Variants in ABCE1 observed in about 807,000 individuals in gnomAD.
The protein encoded by ABCE1 is ATP-binding cassette sub-family E member 1.
Under a neutral mutation model 83.4 loss-of-function variants are expected in ABCE1, and 22 were observed. That is an observed-to-expected ratio of 0.26 (90% CI 0.19 to 0.38). The LOEUF is 0.38. ABCE1 is among the 10% of genes least tolerant of loss of function. The probability of loss-of-function intolerance (pLI) is 1.00; values close to 1 mark genes in which losing one functional copy is unlikely to be tolerated. For synonymous variants in ABCE1, 204 were observed against 233.7 expected (o/e 0.87, Z 1.16); for missense variants, 330 against 721.9 (o/e 0.46, Z 6.22).
chr4:145,109,279 A>G, intron 5 of ABCE1, 30 bp downstream of exon 5: 1 of 1,332,828 alleles, frequency 7.5e-7, no homozygotes, highest in Non-Finnish European at 1.0e-6. Flanking sequence ...AAAAATTAAT[A>G]TCATGAGTCA....
In ABCE1 at chr4:145,117,428, C is replaced by A. The variant is rs750191954; in HGVS notation, c.922+14C>A. The A allele has an allele frequency of 1.2e-6, 2 of 1,608,210 alleles. No homozygotes were observed. Among genetic ancestry groups the A allele is most frequent in the Admixed American group, 3.4e-5 (2 of 59,250 alleles). Reference sequence around the variant, plus strand: ...GTGTAAGAGAAGGTAACTTGAAAAACTTTTTTCACATATGCTGTATTCTCT... The same window carrying A: ...GTGTAAGAGAAGGTAACTTGAAAAAATTTTTTCACATATGCTGTATTCTCT... On this transcript the variant is annotated intron_variant, in intron 10 of 17. Transcript: ENST00000296577.
chr4:145,122,431 T>C (rs1202568105), intron 13 of ABCE1: 1 of 152,220 alleles, frequency 6.6e-6, no homozygotes, highest in Non-Finnish European at 1.5e-5. Context: ...GAATTTCTAC[T>C]CTTAAATGAT....
chr4:145,099,093 T>A (rs1749017990), intron 1 of ABCE1, among the ~76,000 whole-genome samples: 1 of 152,244 alleles, frequency 6.6e-6, no homozygotes. Context: ...CCGTTTTTCC[T>A]TTTATTGTAT....
intron 17 of ABCE1, among the ~76,000 whole-genome samples, chr4:145,125,463 G>A (rs778367706): frequency 1.3e-5 from 2 of 151,964 alleles, no homozygotes; most frequent in Admixed American, 1.3e-4. Context: ...GTGAGACTCT[G>A]TCTAAAAAAA....
At chr4:145,103,898 A>C (rs1195951182) in intron 1 of ABCE1, among the ~76,000 whole-genome samples, 1 of 151,578 alleles carries the variant, frequency 6.6e-6, no homozygotes, top group East Asian at 1.9e-4. Context: ...AATAGCTGGG[A>C]CCGCAGGCGC....
chr4:145,100,984 G>A (rs984361001), intron 1 of ABCE1, among the ~76,000 whole-genome samples: 8 of 151,708 alleles, frequency 5.3e-5, no homozygotes, highest in Non-Finnish European at 8.8e-5. Context: ...CTTGGGGAGG[G>A]GAAAAATGTG....
intron 11 of ABCE1, among the ~76,000 whole-genome samples, chr4:145,120,616 G>C (rs1476313039): frequency 6.6e-6 from 1 of 151,940 alleles, no homozygotes; most frequent in East Asian, 1.9e-4. Context: ...ATTGTCATAA[G>C]TGTAGATATA....
In ABCE1 at chr4:145,110,447, A is replaced by G. The variant is rs1477244643; in HGVS notation, c.613+3A>G. 4 of 1,611,166 alleles carry G rather than the reference A, an allele frequency of 2.5e-6. No homozygotes were observed. Among genetic ancestry groups the G allele is most frequent in the Non-Finnish European group, 2.5e-6 (3 of 1,179,398 alleles). On this transcript the variant is annotated splice_donor_region_variant and intron_variant, in intron 7 of 17. Transcript: ENST00000296577. Reference sequence around the variant, plus strand: ...GGCAATTGTATGTCAGCAGCTTGGTAAGTGTTTATTTTTTGTTTGTGTGAA... The same window carrying G: ...GGCAATTGTATGTCAGCAGCTTGGTGAGTGTTTATTTTTTGTTTGTGTGAA...
Position 145,123,505 on chromosome 4 carries a change from C to T in ABCE1, c.1545C>T (p.Ala515=). 3 of 1,603,776 alleles carry T rather than the reference C, an allele frequency of 1.9e-6. No homozygotes were observed. The highest frequency in any genetic ancestry group is 2.6e-6 in the Non-Finnish European group (3 of 1,171,288). Reference sequence around the variant, plus strand: ...TCATACTCCATGCAAAAAAGACAGCCTTTGTTGTGGAACATGACTTCATCA... The same window carrying T: ...TCATACTCCATGCAAAAAAGACAGCTTTTGTTGTGGAACATGACTTCATCA... ...KRFILHAKKT[A]FVVEHDFIMA... Residue 515 remains alanine (A), a synonymous_variant, in exon 16 of 18, where the codon GCC becomes GCT. Transcript: ENST00000296577.
Position 145,110,974 on chromosome 4 carries a change from C to T in ABCE1, c.620C>T (p.Thr207Ile), listed in dbSNP as rs900682938. The T allele has an allele frequency of 3.7e-6, 6 of 1,607,032 alleles. No individual in the cohort carries two copies. Among genetic ancestry groups the T allele is most frequent in the Non-Finnish European group, 5.1e-6 (6 of 1,177,274 alleles). ...QAIVCQQLDL[T>I]HLKERNVEDL... Reference sequence around the variant, plus strand: ...GCCTCTATGTTCTTTGTAGATTTAACCCACCTAAAAGAACGAAATGTTGAA... The same window carrying T: ...GCCTCTATGTTCTTTGTAGATTTAATCCACCTAAAAGAACGAAATGTTGAA... The change falls in exon 8 of 18, where the codon ACC becomes ATC. Residue 207 changes from threonine (T) to isoleucine (I), a missense_variant. Transcript: ENST00000296577.
chr4:145,098,544 C>T lies in ABCE1; in HGVS notation c.-28+125C>T, dbSNP rs578087062. 4.5e-3 allele frequency: 686 copies of T among 152,470 alleles called. 1 individual carries two copies. The highest frequency in any genetic ancestry group is 0.015 in the African/African-American group (639 of 41,564). The allele number at this position is 152,470 out of a possible 1,614,324, so 9.4% of individuals were successfully genotyped here. A position where few individuals can be genotyped will look rare whatever the true frequency, so the allele number is the denominator to read the frequency against. On this transcript the variant is annotated intron_variant, in intron 1 of 17. Transcript: ENST00000296577. ...TGGCGGAGACAGCAGCAGCGCGTGG[C>T]AGCGGTTCCTGCGGGACAGCTGGAA...
At chr4:145,100,654 C>G (rs1749124142) in intron 1 of ABCE1, among the ~76,000 whole-genome samples, 1 of 152,212 alleles carries the variant, frequency 6.6e-6, no homozygotes, top group African/African-American at 2.4e-5. Context: ...CTAATCTTTA[C>G]AAGACCTGGA....
rs1327656318 is a variant in ABCE1, at chr4:145,104,905, G to T, written c.103+390G>T. Among the ~76,000 whole-genome samples the T allele has an allele frequency of 4.0e-5, 6 of 151,792 alleles. No homozygotes were observed. In the East Asian group the frequency reaches 9.6e-4, roughly 24 times the overall value. On this transcript the variant is annotated intron_variant, in intron 2 of 17. Coordinates refer to ENST00000296577, the MANE Select transcript of ABCE1 (RefSeq NM_002940.3). ...GACAGTATTTTCATATTTAAAAAATGAACAAAGAGCTTAATAAGAATGACT... is the reference window on the plus strand; with the variant it reads ...GACAGTATTTTCATATTTAAAAAATTAACAAAGAGCTTAATAAGAATGACT...
At chr4:145,126,440 C>G (rs1181764838) in intron 17 of ABCE1, among the ~76,000 whole-genome samples, 1 of 151,978 alleles carries the variant, frequency 6.6e-6, no homozygotes, top group South Asian at 2.1e-4. Flanking sequence ...ATTACAGGTG[C>G]CCACCACCAC....
At chr4:145,098,966 T>G (rs1245198109) in intron 1 of ABCE1, among the ~76,000 whole-genome samples, 2 of 152,234 alleles carry the variant, frequency 1.3e-5, no homozygotes, top group African/African-American at 2.4e-5. Flanking sequence ...GTCACTCTGC[T>G]TTTCTCAGAA....
At chr4:145,099,987 A>G (rs1163300781) in intron 1 of ABCE1, among the ~76,000 whole-genome samples, 2 of 152,148 alleles carry the variant, frequency 1.3e-5, no homozygotes, top group African/African-American at 2.4e-5. Context: ...TCCAAGCTTT[A>G]CTGTGCCTAG....
At chr4:145,105,000 A>G (rs577143717) in intron 2 of ABCE1, among the ~76,000 whole-genome samples, 2 of 152,190 alleles carry the variant, frequency 1.3e-5, no homozygotes, top group African/African-American at 4.8e-5. Flanking sequence ...AATTATTGGT[A>G]GTCGTTAAGG....
chr4:145,102,805 ATGGTGGT>A (rs1749189004), intron 1 of ABCE1, among the ~76,000 whole-genome samples: 1 of 152,146 alleles, frequency 6.6e-6, no homozygotes, highest in Non-Finnish European at 1.5e-5. Flanking sequence ...AAAGATAAGA[ATGGTGGT>A]TGGAGAATGG....
chr4:145,099,680 C>A (rs1324093907), intron 1 of ABCE1, among the ~76,000 whole-genome samples: 3 of 152,002 alleles, frequency 2.0e-5, no homozygotes, highest in Non-Finnish European at 2.9e-5. Context: ...CTCCTAACTT[C>A]TACGTGTTTT....
Sources: allele counts gnomAD v4.1 joint callset (sites outside exome capture counted in the v4.1 genomes callset), GRCh38; gene constraint gnomAD v4.1.1; transcripts MANE v1.5; gene names NCBI Gene and HGNC (gene_info 2026-07-23, HGNC 2026-07-21).